Variants in CRB1 observed in about 807,000 individuals in gnomAD.
CRB1 encodes the protein protein crumbs homolog 1.
CRB1 carries 83 observed loss-of-function variants against 120.0 expected under a neutral mutation model. That is an observed-to-expected ratio of 0.69 (90% CI 0.58 to 0.83). CRB1 has a LOEUF of 0.83. Among genes scored for constraint, CRB1 ranks in the 40% least tolerant of loss-of-function variants. The pLI is 0.00. For missense variants in CRB1, 1,699 were observed against 1,687.6 expected (o/e 1.01, Z -0.12); for synonymous variants, 625 against 612.5 (o/e 1.02, Z -0.30).
intron 1 of CRB1, among the ~76,000 whole-genome samples, chr1:197,308,346 C>T (rs1657297372): frequency 1.3e-5 from 2 of 152,234 alleles, no homozygotes; most frequent in South Asian, 4.1e-4. Flanking sequence ...GTGATGGGAT[C>T]CTTACTCCAG....
chr1:197,354,035 A>C (rs78548706), intron 4 of CRB1, among the ~76,000 whole-genome samples: 11 of 150,176 alleles, frequency 7.3e-5, no homozygotes, highest in South Asian at 6.3e-4. Flanking sequence ...AAAAAAAAAA[A>C]CACCCCCAAA....
At chr1:197,363,282 C>A (rs569762571) in intron 5 of CRB1, among the ~76,000 whole-genome samples, 9 of 151,972 alleles carry the variant, frequency 5.9e-5, no homozygotes, top group African/African-American at 2.2e-4. Context: ...GTCTATTCTC[C>A]ATTGTTTGTC....
chr1:197,247,689 G>C, the CRB1 span, among the ~76,000 whole-genome samples: 1 of 151,984 alleles, frequency 6.6e-6, no homozygotes, highest in South Asian at 2.1e-4. Context: ...TTTTCGTGGA[G>C]GAATTCATCA....
chr1:197,242,869 C>T, the CRB1 span, among the ~76,000 whole-genome samples: 8 of 152,008 alleles, frequency 5.3e-5, 1 homozygote, highest in East Asian at 1.9e-4. Context: ...TTGGTCTATT[C>T]GGGGATTCAA....
chr1:197,456,496 T>C (rs1458863657), intron 11 of CRB1, among the ~76,000 whole-genome samples: 1 of 152,106 alleles, frequency 6.6e-6, no homozygotes, highest in African/African-American at 2.4e-5. Flanking sequence ...CATTTCCCTT[T>C]CAAATTTACA....
At chr1:197,327,837 C>A (rs1190540843) in intron 1 of CRB1, among the ~76,000 whole-genome samples, 2 of 152,166 alleles carry the variant, frequency 1.3e-5, no homozygotes, top group African/African-American at 2.4e-5. Flanking sequence ...CTGAGCAGAT[C>A]TGCTTTCCAA....
At chr1:197,471,278 G>A (rs1015052051) in intron 11 of CRB1, among the ~76,000 whole-genome samples, 2 of 152,146 alleles carry the variant, frequency 1.3e-5, no homozygotes, top group South Asian at 2.1e-4. Flanking sequence ...TAATGAGAAA[G>A]CCTTTATATT....
At chr1:197,322,312 A>T (rs1221346044) in intron 1 of CRB1, among the ~76,000 whole-genome samples, 1 of 151,776 alleles carries the variant, frequency 6.6e-6, no homozygotes, top group Non-Finnish European at 1.5e-5. Flanking sequence ...AAATAGAAAA[A>T]ATTAGCTGGG....
At position 197,328,795 on chromosome 1, in the gene CRB1, T is replaced by C. The variant is rs1658679809; in HGVS notation, c.444T>C (p.Asp148=). 6.2e-7 allele frequency: 1 copy of C among 1,613,780 alleles called. No homozygotes were observed. The highest frequency in any genetic ancestry group is 1.1e-5 in the South Asian group (1 of 91,038). Residue 148 remains aspartate, a synonymous_variant, in exon 2 of 12, where the codon GAT becomes GAC. Coordinates refer to ENST00000367400, the MANE Select transcript of CRB1 (RefSeq NM_201253.3). ...ATGCTGGAAGATTCTGTGAGATAGA[T>C]CACGATGAGTGTGCTTCCAGCCCTT... is the stretch of plus-strand genomic sequence containing the variant. ...AGYAGRFCEI[D]HDECASSPCQ... is the part of the protein sequence containing the mutation.
At position 197,382,103 on chromosome 1, in the gene CRB1, A is replaced by T. The variant is rs114600145; in HGVS notation, c.1171+25090A>T. 9.3e-4 allele frequency among the ~76,000 whole-genome samples: 141 copies of T among 152,306 alleles called. 1 individual carries two copies. Among genetic ancestry groups the T allele is most frequent in the Non-Finnish European group, 1.4e-3 (96 of 68,032 alleles). On this transcript the variant is annotated intron_variant, in intron 5 of 11. Coordinates refer to ENST00000367400, the MANE Select transcript of CRB1 (RefSeq NM_201253.3). ...GGGGAGTAGGGACTGTGGATTCAGA[A>T]TTCTTAGTGTAACAGCCAATTATTA...
At chr1:197,222,587 G>T in the CRB1 span, 1 of 770,012 alleles carries the variant, frequency 1.3e-6, no homozygotes, top group Admixed American at 1.7e-5. Context: ...TTGTTTTGCA[G>T]TTGGCTCCTA....
intron 11 of CRB1, chr1:197,444,315 T>G (rs900683184): frequency 2.0e-5 from 3 of 152,188 alleles, no homozygotes; most frequent in African/African-American, 7.2e-5. Flanking sequence ...AGCAACTAAT[T>G]GTGAAGATTT....
chr1:197,329,084 T>C, intron 2 of CRB1, 81 bp downstream of exon 2: 1 of 1,222,122 alleles, frequency 8.2e-7, no homozygotes, highest in Non-Finnish European at 1.2e-6. Context: ...ATTTTATTTT[T>C]CACACAATCA....
chr1:197,453,163 A>T (rs925648034), intron 11 of CRB1, among the ~76,000 whole-genome samples: 3 of 151,650 alleles, frequency 2.0e-5, no homozygotes, highest in Non-Finnish European at 2.9e-5. Context: ...TGAGATATCT[A>T]GAAGAGTCAA....
At chr1:197,223,039 A>G in the CRB1 span, 1 of 788,126 alleles carries the variant, frequency 1.3e-6, no homozygotes, top group Non-Finnish European at 2.3e-6. Flanking sequence ...TGAGGAAGAC[A>G]AGGACTATCT....
chr1:197,364,524 T>C (rs907636006), intron 5 of CRB1, among the ~76,000 whole-genome samples: 2 of 152,188 alleles, frequency 1.3e-5, no homozygotes, highest in Non-Finnish European at 2.9e-5. Context: ...CATACAAATA[T>C]TGGGTCTTTT....
intron 11 of CRB1, among the ~76,000 whole-genome samples, chr1:197,445,251 G>C (rs1423758189): frequency 6.6e-6 from 1 of 152,102 alleles, no homozygotes; most frequent in African/African-American, 2.4e-5. Context: ...ATTCCATTTT[G>C]CTGCGTTTTT....
chr1:197,419,987 G>GAAAAAAAAA (rs398053681), intron 5 of CRB1, among the ~76,000 whole-genome samples: 1 of 46,802 alleles, frequency 2.1e-5, no homozygotes, highest in Non-Finnish European at 5.9e-5. Flanking sequence ...TCTCAAAAAC[G>GAAAAAAAAA]AAAAAAAAAA....
At chr1:197,241,374 TG>T in the CRB1 span, among the ~76,000 whole-genome samples, 2 of 152,246 alleles carry the variant, frequency 1.3e-5, no homozygotes, top group African/African-American at 4.8e-5. Context: ...AGTTAATTTT[TG>T]TACAAGGTGT....
Sources: allele counts gnomAD v4.1 joint callset (sites outside exome capture counted in the v4.1 genomes callset), GRCh38; gene constraint gnomAD v4.1.1; transcripts MANE v1.5; gene names NCBI Gene and HGNC (gene_info 2026-07-23, HGNC 2026-07-21).